The following CBFA2T2 variants were observed in gnomAD, a reference collection of about 807,000 sequenced individuals.
CBFA2T2 encodes CBFA2/RUNX1 partner transcriptional co-repressor 2, also known as protein CBFA2T2.
Under a neutral mutation model 62.2 loss-of-function variants are expected in CBFA2T2, and 11 were observed. The ratio of observed to expected loss-of-function variants is 0.18; its 90% CI spans 0.11 to 0.29. The LOEUF is 0.29. Ranked by LOEUF, CBFA2T2 falls within the 10% of genes least tolerant of loss-of-function variation. The probability of loss-of-function intolerance (pLI) is 1.00; values close to 1 mark genes in which losing one functional copy is unlikely to be tolerated. For synonymous variants in CBFA2T2, 295 were observed against 287.5 expected, an observed-to-expected ratio of 1.03 and a Z score of -0.27; for missense variants, 592 against 774.1, an observed-to-expected ratio of 0.76 and a Z score of 2.79.
chr20:33,532,306 CAAAG>C (rs1262419746), intron 1 of CBFA2T2, among the ~76,000 whole-genome samples: 1 of 152,120 alleles, frequency 6.6e-6, no homozygotes, highest in Non-Finnish European at 1.5e-5. Context: ...GTAATTCTGT[CAAAG>C]GTACACAACG....
chr20:33,582,009 TGATTGTACTTATAA>T (rs2014139456), intron 1 of CBFA2T2, among the ~76,000 whole-genome samples: 1 of 152,164 alleles, frequency 6.6e-6, no homozygotes, highest in African/African-American at 2.4e-5. Context: ...ATCTGTGATT[TGATTGTACTTATAA>T]GATTCAGCTA....
At chr20:33,569,664 GTCAT>G (rs1283715626) in intron 1 of CBFA2T2, among the ~76,000 whole-genome samples, 1 of 152,202 alleles carries the variant, frequency 6.6e-6, no homozygotes, top group African/African-American at 2.4e-5. Flanking sequence ...CAAGGGGGAG[GTCAT>G]TGACTTTTGC....
At chr20:33,575,450 C>T (rs1424303763) in intron 1 of CBFA2T2, among the ~76,000 whole-genome samples, 2 of 152,190 alleles carry the variant, frequency 1.3e-5, no homozygotes, top group Non-Finnish European at 2.9e-5. Flanking sequence ...ATCATTATCT[C>T]AGTAAACTGA....
chr20:33,579,821 T>C (rs990457819), intron 1 of CBFA2T2, among the ~76,000 whole-genome samples: 2 of 151,390 alleles, frequency 1.3e-5, no homozygotes, highest in African/African-American at 4.8e-5. Flanking sequence ...CTCTCTCTTT[T>C]TTTTTTTTTT....
chr20:33,558,531 A>G (rs1238662528), intron 1 of CBFA2T2, among the ~76,000 whole-genome samples: 1 of 151,960 alleles, frequency 6.6e-6, no homozygotes, highest in Non-Finnish European at 1.5e-5. Flanking sequence ...AGTTTTCCAC[A>G]TTCTCGACTT....
chr20:33,627,608 A>G (rs1303917285), intron 6 of CBFA2T2, among the ~76,000 whole-genome samples: 7 of 152,128 alleles, frequency 4.6e-5, no homozygotes. Context: ...AGTGGCTGGG[A>G]CTATAGGCCC....
chr20:33,622,336 C>T (rs2016025217), intron 4 of CBFA2T2, among the ~76,000 whole-genome samples: 1 of 152,220 alleles, frequency 6.6e-6, no homozygotes, highest in Admixed American at 6.5e-5. Context: ...TCTCCTTTCA[C>T]TTGCTCATCT....
At chr20:33,558,538 A>G (rs1272316065) in intron 1 of CBFA2T2, among the ~76,000 whole-genome samples, 1 of 151,942 alleles carries the variant, frequency 6.6e-6, no homozygotes, top group Non-Finnish European at 1.5e-5. Context: ...CACATTCTCG[A>G]CTTTGCTAAT....
At chr20:33,529,032 G>GT (rs2011968764) in intron 1 of CBFA2T2, among the ~76,000 whole-genome samples, 1 of 151,922 alleles carries the variant, frequency 6.6e-6, no homozygotes, top group Non-Finnish European at 1.5e-5. Context: ...TTTTTTGTTT[G>GT]TTTGTTTTTT....
At chr20:33,572,277 T>C (rs1010807948) in intron 1 of CBFA2T2, among the ~76,000 whole-genome samples, 1 of 152,236 alleles carries the variant, frequency 6.6e-6, no homozygotes, top group Non-Finnish European at 1.5e-5. Flanking sequence ...ATTTACACAC[T>C]GAAATATTTA....
Position 33,642,114 on chromosome 20 carries a change from T to TGTG in CBFA2T2, c.1488+1583_1488+1584insGTG, listed in dbSNP as rs1555851369. 6.8e-4 allele frequency among the ~76,000 whole-genome samples: 43 copies of TGTG among 62,862 alleles called. 1 individual carries two copies. The highest frequency in any genetic ancestry group is 3.1e-3 in the Admixed American group (19 of 6,044). 41.2% of individuals were successfully genotyped at this position (62,862 alleles called of 152,430 possible). On this transcript the variant is annotated intron_variant, in intron 10 of 10. Transcript: ENST00000342704. ...TCTCCTCCTCCTTTGTCTTTTTTTT[T>TGTG]TTTGTGTGTGTGTGTGTGTGTGTGT...
intron 3 of CBFA2T2, among the ~76,000 whole-genome samples, chr20:33,611,917 C>T (rs1466790317): frequency 6.6e-6 from 1 of 152,076 alleles, no homozygotes; most frequent in African/African-American, 2.4e-5. Context: ...TAAAACTGCT[C>T]TCAACAGGCC....
At chr20:33,642,155 T>A (rs2016882549) in intron 10 of CBFA2T2, among the ~76,000 whole-genome samples, 1 of 146,378 alleles carries the variant, frequency 6.8e-6, no homozygotes, top group Non-Finnish European at 1.5e-5. Flanking sequence ...TGTGTGTGTG[T>A]GTGTGTGTGG....
intron 1 of CBFA2T2, among the ~76,000 whole-genome samples, chr20:33,503,473 T>G (rs1389857815): frequency 6.6e-6 from 1 of 152,016 alleles, no homozygotes; most frequent in Non-Finnish European, 1.5e-5. Context: ...CAGGCTGGTA[T>G]CGAACTCCTG....
chr20:33,544,945 C>CAGAACAGAATAGAATAGAATAGAAT (rs1215816057), intron 1 of CBFA2T2, among the ~76,000 whole-genome samples: 2 of 130,898 alleles, frequency 1.5e-5, no homozygotes, highest in African/African-American at 6.2e-5. Flanking sequence ...TAGAATAGAA[C>CAGAACAGAATAGAATAGAATAGAAT]AGAATAGAAT....
At chr20:33,581,360 T>C (rs2014104853) in intron 1 of CBFA2T2, among the ~76,000 whole-genome samples, 1 of 152,160 alleles carries the variant, frequency 6.6e-6, no homozygotes, top group Non-Finnish European at 1.5e-5. Context: ...CCCAGCCATG[T>C]CTGTCATTTT....
At chr20:33,619,248 G>A (rs529778180) in intron 3 of CBFA2T2, among the ~76,000 whole-genome samples, 3 of 152,032 alleles carry the variant, frequency 2.0e-5, no homozygotes, top group East Asian at 1.9e-4. Context: ...GACCGGGCGC[G>A]GTGGCTCTCC....
At chr20:33,597,622 T>A (rs1304072483) in intron 1 of CBFA2T2, among the ~76,000 whole-genome samples, 1 of 152,162 alleles carries the variant, frequency 6.6e-6, no homozygotes, top group Non-Finnish European at 1.5e-5. Flanking sequence ...CTTATGAGAA[T>A]CTAATGCCTG....
intron 9 of CBFA2T2, 75 bp downstream of exon 9, chr20:33,636,783 G>T (rs2016649980): frequency 1.8e-6 from 2 of 1,108,682 alleles, no homozygotes; most frequent in Admixed American, 3.5e-5. Context: ...CTGGGTGAAT[G>T]GTTGGTAACT....
Sources: gnomAD v4.1 joint callset for allele counts (sites outside exome capture counted in the v4.1 genomes callset) on GRCh38, gnomAD v4.1.1 for gene constraint, MANE v1.5 for transcripts, NCBI Gene and HGNC (gene_info 2026-07-23, HGNC 2026-07-21) for gene names.